Variants in BGN observed in about 807,000 individuals in gnomAD.
BGN encodes biglycan.
A neutral mutation model predicts 20.0 loss-of-function variants in BGN; 6 were observed. The ratio of observed to expected loss-of-function variants is 0.30; its 90% CI spans 0.16 to 0.59. BGN has a LOEUF of 0.59. BGN is among the 20% of genes least tolerant of loss of function. The pLI is 0.88. For synonymous variants in BGN, 146 were observed against 134.6 expected, an observed-to-expected ratio of 1.08 and a Z score of -0.59; for missense variants, 292 against 312.1, an observed-to-expected ratio of 0.94 and a Z score of 0.49.
In BGN at chrX:153,507,059, C is replaced by T. The variant is rs200795283; in HGVS notation, c.783C>T (p.Gly261=). The T allele has an allele frequency of 2.5e-6, 3 of 1,209,122 alleles. No homozygotes were observed. The African/African-American group carries it at 5.2e-5, about 21-fold the overall frequency. ...RYSKLYRLGL[G]HNQIRMIENG... is the part of the protein sequence containing the mutation. ...CTCCCGCTCACAGGCTGGGCCTAGGCCACAACCAGATCAGGATGATCGAGA... is the reference window on the plus strand; with the variant it reads ...CTCCCGCTCACAGGCTGGGCCTAGGTCACAACCAGATCAGGATGATCGAGA... The change falls in exon 7 of 8, where the codon GGC becomes GGT. Residue 261 remains glycine, a synonymous_variant. Coordinates refer to ENST00000331595, the MANE Select transcript of BGN (RefSeq NM_001711.6).
chrX:153,498,591 CA>C (rs2089734877), intron 1 of BGN, among the ~76,000 whole-genome samples: 1 of 112,677 alleles, frequency 8.9e-6, no homozygotes, highest in African/African-American at 3.2e-5. Context: ...GAGCCCCCGG[CA>C]GAGAGCGGGT....
In BGN at chrX:153,507,054, C is replaced by G; in HGVS notation, c.778C>G (p.Leu260Val). 1 of 1,210,712 alleles carries G rather than the reference C, an allele frequency of 8.3e-7. No homozygotes were observed. Among genetic ancestry groups the G allele is most frequent in the Non-Finnish European group, 1.1e-6 (1 of 894,732 alleles). ...LRYSKLYRLG[L>V]GHNQIRMIEN... ...TCATTCTCCCGCTCACAGGCTGGGC[C>G]TAGGCCACAACCAGATCAGGATGAT... Residue 260 changes from leucine to valine, a missense_variant, in exon 7 of 8, where the codon CTA becomes GTA. Coordinates refer to ENST00000331595, the MANE Select transcript of BGN (RefSeq NM_001711.6).
chrX:153,507,073 G>A lies in BGN; in HGVS notation c.797G>A (p.Arg266Lys). 1.7e-6 allele frequency: 2 copies of A among 1,209,962 alleles called. No individual in the cohort carries two copies. The highest frequency in any genetic ancestry group is 3.5e-5 in the South Asian group (2 of 56,640). ...YRLGLGHNQI[R>K]MIENGSLSFL... ...CTGGGCCTAGGCCACAACCAGATCA[G>A]GATGATCGAGAACGGGAGCCTGAGC... Residue 266 changes from arginine to lysine, a missense_variant, in exon 7 of 8, where the codon AGG (arginine) becomes AAG (lysine). Physicochemically the swap from Arg to Lys is conservative, Grantham distance 26 (BLOSUM62 2). Transcript: ENST00000331595.
rs1569532510 is a variant in BGN at position 153,509,059 on chromosome X, T to TGTGTGTGTG, written c.*614_*615insGTGTGTGTG. The TGTGTGTGTG allele has an allele frequency of 5.2e-5, 3 of 57,743 alleles. No individual in the cohort carries two copies. Among genetic ancestry groups the TGTGTGTGTG allele is most frequent in the African/African-American group, 2.7e-4 (3 of 11,248 alleles). The allele number at this position is 57,743 out of a possible 1,213,427, so 4.8% of individuals were successfully genotyped here. A position where few individuals can be genotyped will look rare whatever the true frequency, so the allele number is the denominator to read the frequency against. On this transcript the variant is annotated 3_prime_UTR_variant, in exon 8 of 8. Coordinates refer to ENST00000331595, the MANE Select transcript of BGN (RefSeq NM_001711.6). ...TCTCTCTCTCTCTCTCTCTCTCTCT[T>TGTGTGTGTG]TCTGTGTGTGTGTGTGTGTGTGTGT...
At chrX:153,500,958 A>G (rs1194843379) in intron 1 of BGN, among the ~76,000 whole-genome samples, 1 of 110,455 alleles carries the variant, frequency 9.1e-6, no homozygotes, top group African/African-American at 3.3e-5. Context: ...ATACATGGGT[A>G]TGCATGTGTG....
At chrX:153,505,193 C>A (rs782427577) in intron 2 of BGN, 45 bp from the exon 3 acceptor site, 1 of 1,088,836 alleles carries the variant, frequency 9.2e-7, no homozygotes, top group South Asian at 2.0e-5. Flanking sequence ...GGGGTGGGGC[C>A]CCTAGGTCTC....
rs1156526092 is a variant in BGN at position 153,507,177 on chromosome X, C to G, written c.901C>G (p.Leu301Val). The G allele has an allele frequency of 2.9e-5, 35 of 1,200,445 alleles. No individual in the cohort carries two copies. Among genetic ancestry groups the G allele is most frequent in the Non-Finnish European group, 3.7e-5 (33 of 889,359 alleles). ...GCCCTCAGGGCTCCCAGACCTCAAG[C>G]TCCTCCAGGTGAGAGCTGGGCATGC... is the stretch of plus-strand genomic sequence containing the variant. The part of the protein sequence containing the change: ...RVPSGLPDLK[L>V]LQVVYLHSNN... The change falls in exon 7 of 8, where the codon CTC becomes GTC. Residue 301 changes from leucine to valine, a missense_variant. Leu to Val is a conservative substitution (Grantham distance 32, BLOSUM62 1). Transcript: ENST00000331595.
intron 7 of BGN, among the ~76,000 whole-genome samples, chrX:153,507,999 C>T (rs933435628): frequency 1.8e-5 from 2 of 113,185 alleles, no homozygotes; most frequent in African/African-American, 6.4e-5. Flanking sequence ...CAGCCCCGCC[C>T]CCACATGTCC....
chrX:153,500,057 C>T (rs2089745891), intron 1 of BGN, among the ~76,000 whole-genome samples: 1 of 113,354 alleles, frequency 8.8e-6, no homozygotes, highest in African/African-American at 3.2e-5. Flanking sequence ...AGGCGAGCTC[C>T]CAGGGCCCGC....
At chrX:153,497,458 A>T (rs2089727296) in intron 1 of BGN, among the ~76,000 whole-genome samples, 1 of 110,977 alleles carries the variant, frequency 9.0e-6, no homozygotes, top group Non-Finnish European at 1.9e-5. Flanking sequence ...TCAGTGCCCC[A>T]GCTCCTGTCC....
chrX:153,504,959 G>A, intron 2 of BGN, 90 bp downstream of exon 2: 7 of 926,336 alleles, frequency 7.6e-6, no homozygotes, highest in Non-Finnish European at 1.0e-5. Context: ...TGCTGGTCCT[G>A]TGGGACGGTG....
intron 1 of BGN, among the ~76,000 whole-genome samples, chrX:153,497,065 C>T (rs1402756233): frequency 2.0e-5 from 2 of 100,961 alleles, no homozygotes; most frequent in East Asian, 6.7e-4. Flanking sequence ...GCCCTGGGGT[C>T]CCTGGCACCC....
chrX:153,496,959 ACCCCCC>A (rs2089720911), intron 1 of BGN, among the ~76,000 whole-genome samples: 1 of 10,825 alleles, frequency 9.2e-5, no homozygotes, highest in African/African-American at 3.6e-4. Context: ...CCCACCCCCC[ACCCCCC>A]ACCCCCCAGC....
In BGN at chrX:153,508,569, C is replaced by T. The variant is rs1429672409; in HGVS notation, c.*124C>T. The T allele has an allele frequency of 2.4e-6, 2 of 834,465 alleles. No individual in the cohort carries two copies. The highest frequency in any genetic ancestry group is 2.0e-5 in the African/African-American group (1 of 48,882). 68.8% of individuals were successfully genotyped at this position (834,465 alleles called of 1,213,427 possible). ...CAGCTGCGTCCAACCCAGCCCCCCA[C>T]CTCGGGTCCCTGACCCCAGCTCGAT... is the stretch of plus-strand genomic sequence containing the variant. On this transcript the variant is annotated 3_prime_UTR_variant, in exon 8 of 8. Transcript: ENST00000331595.
chrX:153,507,089 G>A lies in BGN; in HGVS notation c.813G>A (p.Gly271=), dbSNP rs1556993381. Residue 271 remains glycine, a synonymous_variant, in exon 7 of 8, where the codon GGG becomes GGA. Coordinates refer to ENST00000331595, the MANE Select transcript of BGN (RefSeq NM_001711.6). ...GHNQIRMIEN[G]SLSFLPTLRE... ...ACCAGATCAGGATGATCGAGAACGG[G>A]AGCCTGAGCTTCCTGCCCACCCTCC... is the stretch of plus-strand genomic sequence containing the variant. 16 of 1,207,569 alleles carry A rather than the reference G, an allele frequency of 1.3e-5. No individual in the cohort carries two copies. The highest frequency in any genetic ancestry group is 1.7e-5 in the Non-Finnish European group (15 of 893,778).
intron 1 of BGN, among the ~76,000 whole-genome samples, chrX:153,504,295 CAG>C (rs1448616730): frequency 8.9e-6 from 1 of 112,508 alleles, no homozygotes; most frequent in African/African-American, 3.2e-5. Context: ...CTGGCAGACT[CAG>C]AGGCGTGGGG....
At chrX:153,506,679 C>A in intron 5 of BGN, 40 bp downstream of exon 5, 3 of 1,179,114 alleles carry the variant, frequency 2.5e-6, no homozygotes, top group South Asian at 1.8e-5. Flanking sequence ...CCTGCCTCAC[C>A]CCCAACAGCA....
At chrX:153,506,271 C>T (rs1325015690) in intron 4 of BGN, among the ~76,000 whole-genome samples, 195 bp downstream of exon 4, 1 of 112,467 alleles carries the variant, frequency 8.9e-6, no homozygotes, top group African/African-American at 3.2e-5. Context: ...CCAGAGGGGC[C>T]GGGTGGCTTC....
intron 1 of BGN, among the ~76,000 whole-genome samples, chrX:153,500,874 G>T (rs1602976604): frequency 1.8e-5 from 2 of 111,827 alleles, no homozygotes; most frequent in African/African-American, 6.5e-5. Flanking sequence ...TATGTGTATA[G>T]ATGTGTGCAT....
Sources: gnomAD v4.1 joint callset for allele counts (sites outside exome capture counted in the v4.1 genomes callset) on GRCh38, gnomAD v4.1.1 for gene constraint, MANE v1.5 for transcripts, NCBI Gene and HGNC (gene_info 2026-07-23, HGNC 2026-07-21) for gene names.